The following INF2 variants were observed in gnomAD, a reference collection of about 807,000 sequenced individuals.
INF2 encodes inverted formin-2.
Under a neutral mutation model 123.5 loss-of-function variants are expected in INF2, and 43 were observed. The observed-to-expected ratio is 0.35, with a 90% CI of 0.27 to 0.45. INF2 has a LOEUF of 0.45. Among genes scored for constraint, INF2 ranks in the 20% least tolerant of loss-of-function variants. The pLI is 1.00. For synonymous variants in INF2, 851 were observed against 745.0 expected (o/e 1.14, Z -2.32); for missense variants, 1,453 against 1,682.7 (o/e 0.86, Z 2.39).
chr14:104,721,299 AGTCTCGTGTGGATGCTGCTGTGGACG>A lies in INF2; in HGVS notation c.*2507_*2532del. On this transcript the variant is annotated 3_prime_UTR_variant, in exon 23 of 23. Transcript: ENST00000392634. ...TGGATGCTGCTGTGGACGTCTGCGT[AGTCTCGTGTGGATGCTGCTGTGGACG>A]TCTGCGTCGTCCTCGTGTGGATGCT... 3 of 114,396 alleles carry A rather than the reference AGTCTCGTGTGGATGCTGCTGTGGACG, an allele frequency of 2.6e-5. No homozygotes were observed. Among genetic ancestry groups the A allele is most frequent in the African/African-American group, 7.2e-5 (2 of 27,840 alleles). The allele number at this position is 114,396 out of a possible 1,614,324, so 7.1% of individuals were successfully genotyped here.
intron 2 of INF2, 80 bp downstream of exon 2, chr14:104,701,836 G>T: frequency 7.1e-7 from 1 of 1,403,446 alleles, no homozygotes; most frequent in South Asian, 1.5e-5. Context: ...GGCCCCGGGA[G>T]GCCTGGGGAA....
At position 104,712,889 on chromosome 14, in the gene INF2, G is replaced by A. The variant is rs777498088; in HGVS notation, c.2672G>A (p.Arg891Gln). ...TTTGAGGCCATCGAGCAGAAGCAAC[G>A]GGAGCTGGCCGACTACCTGTGTGAG... ...ELFEAIEQKQ[R>Q]ELADYLCEDA... The change falls in exon 18 of 23, where the codon CGG (arginine) becomes CAG (glutamine). Residue 891 changes from arginine (R) to glutamine (Q), a missense_variant. By Grantham distance (43) the Arg-to-Gln change is conservative. Around this residue, in one of 8 missense-constraint regions of INF2, gnomAD observed 212 missense variants for 266.2 expected, o/e 0.80. Coordinates refer to ENST00000392634, the MANE Select transcript of INF2 (RefSeq NM_022489.4). The A allele has an allele frequency of 9.9e-6, 16 of 1,612,564 alleles. No individual in the cohort carries two copies. The highest frequency in any genetic ancestry group is 6.7e-5 in the African/African-American group (5 of 74,944).
chr14:104,689,227 C>T (rs1566770907), upstream of INF2: 3 of 985,238 alleles, frequency 3.0e-6, no homozygotes, highest in Non-Finnish European at 3.6e-6. Flanking sequence ...ACGGGAGTCC[C>T]GGGCCGGGGC....
In INF2 at chr14:104,708,754, C is replaced by T. The variant is rs770885011; in HGVS notation, c.1949+22C>T. 3.7e-6 allele frequency: 6 copies of T among 1,611,686 alleles called. No homozygotes were observed. The East Asian group carries it at 1.1e-4, about 30-fold the overall frequency. On this transcript the variant is annotated intron_variant, in intron 10 of 22. Coordinates refer to ENST00000392634, the MANE Select transcript of INF2 (RefSeq NM_022489.4). ...AGTGGTGAGTGAGGGAGGTAGCCCC[C>T]ATCCCAGGCCACGGAGCCTCGCCTC...
Position 104,710,959 on chromosome 14 carries a change from G to A in INF2, c.2262G>A (p.Leu754=), listed in dbSNP as rs1436491920. 6.2e-7 allele frequency: 1 copy of A among 1,612,354 alleles called. No individual in the cohort carries two copies. Among genetic ancestry groups the A allele is most frequent in the African/African-American group, 1.3e-5 (1 of 74,916 alleles). The change falls in exon 14 of 23, where the codon CTG becomes CTA. Residue 754 remains leucine (L), a synonymous_variant. Coordinates refer to ENST00000392634, the MANE Select transcript of INF2 (RefSeq NM_022489.4). ...ACESLLTSRQ[L]PIFCQLILRI... Reference sequence around the variant, plus strand: ...CAGGCCTGCTCACCAGCCGCCAGCTGCCCATCTTCTGCCAGCTGATCCTGA... The same window carrying A: ...CAGGCCTGCTCACCAGCCGCCAGCTACCCATCTTCTGCCAGCTGATCCTGA...
chr14:104,693,268 G>A (rs996268186), intron 1 of INF2, among the ~76,000 whole-genome samples: 3 of 152,226 alleles, frequency 2.0e-5, no homozygotes, highest in African/African-American at 7.2e-5. Context: ...GGGAGAGGTG[G>A]GGTGGGGGAG....
chr14:104,702,035 C>T (rs530674273), intron 2 of INF2, among the ~76,000 whole-genome samples: 1 of 152,304 alleles, frequency 6.6e-6, no homozygotes, highest in African/African-American at 2.4e-5. Flanking sequence ...CACCCTTCCT[C>T]CCCGTCCTGT....
intron 2 of INF2, 75 bp from the exon 3 acceptor site, chr14:104,703,030 A>G (rs1889601844): frequency 8.0e-7 from 1 of 1,246,216 alleles, no homozygotes; most frequent in Non-Finnish European, 1.2e-6. Flanking sequence ...CCAGAGCCCC[A>G]GCCCTGAGCC....
chr14:104,681,400 C>G (rs1452097110), exon 1 of INF2: 1 of 471,830 alleles, frequency 2.1e-6, no homozygotes, highest in Non-Finnish European at 4.1e-6. Flanking sequence ...GGACCTTGGA[C>G]ACGGAGCTGG....
intron 1 of INF2, among the ~76,000 whole-genome samples, chr14:104,682,730 A>G (rs59766306): frequency 9.5e-4 from 144 of 152,244 alleles, no homozygotes; most frequent in Non-Finnish European, 9.0e-4. Context: ...ATTTACCCTA[A>G]CTCAGGAATG....
chr14:104,694,592 G>T (rs1036320047), intron 1 of INF2, among the ~76,000 whole-genome samples: 1 of 152,202 alleles, frequency 6.6e-6, no homozygotes. Flanking sequence ...ACACTCATCC[G>T]CATTTGAGGA....
In INF2 at chr14:104,703,475, G is replaced by T. The variant is rs760760740; in HGVS notation, c.667+21G>T. The stretch of plus-strand genomic sequence containing the variant: ...TATCGGTAAGCACCTGCCCTGGGCC[G>T]CATGCCCGCTCCTGCCCGCCTCTTG... On this transcript the variant is annotated intron_variant, in intron 4 of 22. Transcript: ENST00000392634. 5 of 1,608,878 alleles carry T rather than the reference G, an allele frequency of 3.1e-6. No individual in the cohort carries two copies. The East Asian group carries it at 8.9e-5, about 29-fold the overall frequency.
At chr14:104,697,179 C>CG (rs1476599834) in intron 1 of INF2, among the ~76,000 whole-genome samples, 1 of 152,218 alleles carries the variant, frequency 6.6e-6, no homozygotes, top group East Asian at 1.9e-4. Flanking sequence ...CATGTCACAG[C>CG]GGGGGCCTCC....
Position 104,706,038 on chromosome 14 carries a change from C to T in INF2, c.705C>T (p.Asp235=). The change falls in exon 6 of 23, where the codon GAC becomes GAT. Residue 235 remains aspartate (D), a synonymous_variant. Transcript: ENST00000392634. ...QLLDVLARLR[D]LEDADLLIQL... Reference sequence around the variant, plus strand: ...CCACCTGGCCCCTCCTGCACAGAGACCTGGAGGATGCCGACCTGCTGATCC... The same window carrying T: ...CCACCTGGCCCCTCCTGCACAGAGATCTGGAGGATGCCGACCTGCTGATCC... 1.9e-6 allele frequency: 3 copies of T among 1,611,974 alleles called. No homozygotes were observed. The highest frequency in any genetic ancestry group is 2.5e-6 in the Non-Finnish European group (3 of 1,179,604).
Position 104,707,689 on chromosome 14 carries a change from T to C in INF2, c.1422T>C (p.Pro474=). 1 of 430,938 alleles carries C rather than the reference T, an allele frequency of 2.3e-6. No homozygotes were observed. The highest frequency in any genetic ancestry group is 3.4e-6 in the Non-Finnish European group (1 of 291,888). 26.7% of individuals were successfully genotyped at this position (430,938 alleles called of 1,614,324 possible). Residue 474 remains proline, a synonymous_variant, in exon 8 of 23, where the codon CCT becomes CCC. Coordinates refer to ENST00000392634, the MANE Select transcript of INF2 (RefSeq NM_022489.4). ...PGLGAMAPPA[P]PLPPPLPGSC... The stretch of plus-strand genomic sequence containing the variant: ...TGGGGGCCATGGCCCCCCCAGCACC[T>C]CCTCTACCACCACCCCTGCCAGGCT...
chr14:104,711,777 C>G (rs1890058999), intron 16 of INF2, 78 bp downstream of exon 16: 3 of 1,377,610 alleles, frequency 2.2e-6, no homozygotes, highest in African/African-American at 1.4e-5. Context: ...AGGTGGCTGC[C>G]CGCCAGGGCT....
intron 2 of INF2, among the ~76,000 whole-genome samples, chr14:104,702,051 C>A (rs1889539094): frequency 6.6e-6 from 1 of 152,132 alleles, no homozygotes; most frequent in African/African-American, 2.4e-5. Flanking sequence ...CCTGTGCTGG[C>A]TCCCACCCTC....
At chr14:104,712,391 G>A (rs747150431) in intron 16 of INF2, 42 bp from the exon 17 acceptor site, 15 of 1,610,140 alleles carry the variant, frequency 9.3e-6, no homozygotes, top group South Asian at 5.5e-5. Context: ...CGAGGCTGAC[G>A]TCAGCCGTTG....
intron 1 of INF2, among the ~76,000 whole-genome samples, chr14:104,695,551 G>C (rs1416650408): frequency 8.3e-6 from 1 of 119,902 alleles, no homozygotes; most frequent in African/African-American, 3.2e-5. Flanking sequence ...CGCCCTTCCT[G>C]TCCTCCCTTG....
Sources: gnomAD v4.1 joint callset for allele counts (sites outside exome capture counted in the v4.1 genomes callset) on GRCh38, gnomAD v4.1.1 for gene constraint, gnomAD v4.1.1 regional missense constraint, MANE v1.5 for transcripts, NCBI Gene and HGNC (gene_info 2026-07-23, HGNC 2026-07-21) for gene names.